Variants in ATE1 observed in about 807,000 individuals in gnomAD.
ATE1 encodes the protein arginyltransferase 1.
ATE1 carries 36 observed loss-of-function variants against 70.5 expected under a neutral mutation model. The ratio of observed to expected loss-of-function variants is 0.51; its 90% CI spans 0.39 to 0.67. The LOEUF is 0.67. Ranked by LOEUF, ATE1 falls within the 30% of genes least tolerant of loss-of-function variation. ATE1 has a pLI of 0.00. For synonymous variants in ATE1, 232 were observed against 219.3 expected, an observed-to-expected ratio of 1.06 and a Z score of -0.51; for missense variants, 593 against 629.5, an observed-to-expected ratio of 0.94 and a Z score of 0.62.
chr10:121,762,516 C>G (rs1438352566), intron 11 of ATE1, among the ~76,000 whole-genome samples: 5 of 152,066 alleles, frequency 3.3e-5, no homozygotes, highest in African/African-American at 1.2e-4. Flanking sequence ...TGGCATCTGC[C>G]CACCCCCACC....
chr10:121,920,513 C>A (rs1951837743), intron 3 of ATE1, among the ~76,000 whole-genome samples: 1 of 149,690 alleles, frequency 6.7e-6, no homozygotes, highest in African/African-American at 2.4e-5. Context: ...CTGAGCAAGA[C>A]CCTGTCTCAA....
chr10:121,833,653 G>A (rs561458873), intron 10 of ATE1, among the ~76,000 whole-genome samples: 5 of 152,114 alleles, frequency 3.3e-5, no homozygotes, highest in African/African-American at 4.8e-5. Context: ...GAAAAAAAAC[G>A]ACAGTACAGT....
At chr10:121,798,842 T>C (rs558594216) in intron 10 of ATE1, among the ~76,000 whole-genome samples, 1 of 148,280 alleles carries the variant, frequency 6.7e-6, no homozygotes, top group South Asian at 2.2e-4. Flanking sequence ...GAGTTTGTAG[T>C]GAGCCAAGAT....
In ATE1 at chr10:121,841,495, GT is replaced by G. The variant is rs1948628235; in HGVS notation, c.976-233del. The stretch of plus-strand genomic sequence containing the variant: ...AATTTATGTTTTCTTCAATTTACTT[GT>G]TTTAATACTTGACAGTAGGAAATAC... On this transcript the variant is annotated intron_variant, in intron 8 of 11. Coordinates refer to ENST00000224652, the MANE Select transcript of ATE1 (RefSeq NM_001001976.3). Among the ~76,000 whole-genome samples the G allele has an allele frequency of 2.0e-5, 3 of 152,116 alleles. No homozygotes were observed. The South Asian group carries it at 6.2e-4, about 32-fold the overall frequency.
chr10:121,842,369 T>C (rs1948662277), intron 8 of ATE1, among the ~76,000 whole-genome samples: 1 of 152,130 alleles, frequency 6.6e-6, no homozygotes, highest in African/African-American at 2.4e-5. Flanking sequence ...ACTGAGTGAA[T>C]GTTAGAGATT....
At chr10:121,823,546 G>A (rs1008015320) in intron 10 of ATE1, among the ~76,000 whole-genome samples, 1 of 152,188 alleles carries the variant, frequency 6.6e-6, no homozygotes. Context: ...AAAAGTTTCC[G>A]TGCACACAGA....
At chr10:121,863,708 G>A (rs1476144502) in intron 8 of ATE1, among the ~76,000 whole-genome samples, 2 of 152,132 alleles carry the variant, frequency 1.3e-5, no homozygotes, top group Non-Finnish European at 2.9e-5. Context: ...CTTCAAGGCT[G>A]AAATGATCTT....
At chr10:121,854,790 G>A (rs1341095422) in intron 8 of ATE1, among the ~76,000 whole-genome samples, 5 of 152,152 alleles carry the variant, frequency 3.3e-5, no homozygotes, top group African/African-American at 4.8e-5. Flanking sequence ...GCAGCCTGGC[G>A]AAAACTCGGG....
intron 11 of ATE1, among the ~76,000 whole-genome samples, chr10:121,782,168 G>C (rs994866961): frequency 6.6e-6 from 1 of 152,186 alleles, no homozygotes; most frequent in East Asian, 1.9e-4. Flanking sequence ...GTCTGTCTGC[G>C]AGTCAGCTGT....
intron 10 of ATE1, among the ~76,000 whole-genome samples, chr10:121,805,796 T>C (rs1242529991): frequency 6.6e-6 from 1 of 152,202 alleles, no homozygotes; most frequent in Non-Finnish European, 1.5e-5. Flanking sequence ...CAAAAGATTG[T>C]GGGCAACAAG....
At chr10:121,927,603 G>A (rs1952149885) in intron 1 of ATE1, 5 of 952,738 alleles carry the variant, frequency 5.2e-6, no homozygotes, top group Non-Finnish European at 1.2e-6. Context: ...TCCGTCTCCC[G>A]ACTCTGGGGA....
chr10:121,896,913 A>G (rs1950803696), intron 7 of ATE1, among the ~76,000 whole-genome samples: 1 of 150,210 alleles, frequency 6.7e-6, no homozygotes, highest in Non-Finnish European at 1.5e-5. Context: ...ACTAAGTATT[A>G]ATAGTAGTTC....
intron 3 of ATE1, among the ~76,000 whole-genome samples, chr10:121,919,475 C>A (rs981257349): frequency 6.6e-6 from 1 of 151,992 alleles, no homozygotes; most frequent in South Asian, 2.1e-4. Flanking sequence ...GCAGGAGAAT[C>A]GCTTGAACAC....
chr10:121,829,161 A>G (rs1948137482), intron 10 of ATE1, among the ~76,000 whole-genome samples: 1 of 152,136 alleles, frequency 6.6e-6, no homozygotes. Flanking sequence ...ATGGTGGCTC[A>G]CACCTGTAAT....
At chr10:121,907,538 G>A (rs1951245973) in intron 5 of ATE1, among the ~76,000 whole-genome samples, 1 of 151,954 alleles carries the variant, frequency 6.6e-6, no homozygotes, top group South Asian at 2.1e-4. Context: ...ACTTTGGGAG[G>A]CCGAGGCGGA....
intron 8 of ATE1, among the ~76,000 whole-genome samples, chr10:121,868,439 T>C (rs1949736298): frequency 6.6e-6 from 1 of 152,218 alleles, no homozygotes; most frequent in Non-Finnish European, 1.5e-5. Flanking sequence ...TTTTGATACT[T>C]TCCATTGCTT....
chr10:121,905,863 A>AG (rs367914604), intron 5 of ATE1, among the ~76,000 whole-genome samples: 1 of 150,934 alleles, frequency 6.6e-6, no homozygotes, highest in African/African-American at 2.4e-5. Context: ...GAGAAAAAAA[A>AG]GTAGGATTTC....
At chr10:121,862,290 A>T (rs1366182027) in intron 8 of ATE1, among the ~76,000 whole-genome samples, 1 of 152,072 alleles carries the variant, frequency 6.6e-6, no homozygotes, top group African/African-American at 2.4e-5. Flanking sequence ...ATTCCTTCTG[A>T]ATTCTAGCCA....
Position 121,755,822 on chromosome 10 carries a change from T to C in ATE1, c.1379-11964A>G, listed in dbSNP as rs185269795. Reference sequence around the variant, plus strand: ...ACCACTGGGTCCCTCCCAAAACACATGGGAATTATGGGAGCTACAAGATGA... The same window carrying C: ...ACCACTGGGTCCCTCCCAAAACACACGGGAATTATGGGAGCTACAAGATGA... On this transcript the variant is annotated intron_variant, in intron 11 of 11. Transcript: ENST00000224652. Among the ~76,000 whole-genome samples the C allele has an allele frequency of 6.7e-3, 1,017 of 152,234 alleles. 5 individuals carry two copies. The highest frequency in any genetic ancestry group is 1.0e-2 in the Non-Finnish European group (680 of 68,012).
Sources: gnomAD v4.1 joint callset for allele counts (sites outside exome capture counted in the v4.1 genomes callset) on GRCh38, gnomAD v4.1.1 for gene constraint, MANE v1.5 for transcripts, NCBI Gene and HGNC (gene_info 2026-07-23, HGNC 2026-07-21) for gene names.